The following DIAPH2 variants were observed in gnomAD, a reference collection of about 807,000 sequenced individuals.
DIAPH2 encodes protein diaphanous homolog 2.
DIAPH2 carries 35 observed loss-of-function variants against 92.7 expected under a neutral mutation model. The observed-to-expected ratio is 0.38, with a 90% CI of 0.29 to 0.50. The LOEUF is 0.50. DIAPH2 is among the 20% of genes least tolerant of loss of function. DIAPH2 has a pLI of 0.94. For missense variants in DIAPH2, 701 were observed against 819.5 expected (o/e 0.86, Z 1.77); for synonymous variants, 301 against 280.4 (o/e 1.07, Z -0.73).
At chrX:97,595,069 G>A (rs750386668) in intron 26 of DIAPH2, among the ~76,000 whole-genome samples, 6 of 112,052 alleles carry the variant, frequency 5.4e-5, no homozygotes, top group African/African-American at 9.7e-5. Context: ...AATGCAGCTC[G>A]AGTCCTCCAG....
chrX:96,908,003 C>A (rs2065444292), intron 5 of DIAPH2, among the ~76,000 whole-genome samples: 1 of 111,556 alleles, frequency 9.0e-6, no homozygotes, highest in Non-Finnish European at 1.9e-5. Context: ...GTAAAAGAAG[C>A]CAAACACAAA....
chrX:97,287,194 G>A (rs1381698908), intron 23 of DIAPH2, among the ~76,000 whole-genome samples: 1 of 110,638 alleles, frequency 9.0e-6, no homozygotes, highest in Non-Finnish European at 1.9e-5. Context: ...CTGTAATCCC[G>A]GCTATTTATT....
chrX:97,474,764 T>TC (rs1819515802), intron 26 of DIAPH2, among the ~76,000 whole-genome samples: 1 of 69,189 alleles, frequency 1.4e-5, no homozygotes, highest in African/African-American at 3.9e-5. Context: ...TGACTCCATC[T>TC]CAAAAAAAAA....
At chrX:96,962,440 TACATATATACAC>T (rs2065866043) in intron 16 of DIAPH2, among the ~76,000 whole-genome samples, 3 of 70,224 alleles carry the variant, frequency 4.3e-5, no homozygotes, top group South Asian at 6.5e-4. Context: ...CATATATATA[TACATATATACAC>T]ACACATATAT....
At chrX:96,884,139 G>T (rs759865827) in intron 5 of DIAPH2, 15 of 439,983 alleles carry the variant, frequency 3.4e-5, no homozygotes, top group Non-Finnish European at 4.7e-5. Flanking sequence ...TTGGTCCACA[G>T]GTAGCGTGAC....
chrX:97,144,937 G>T (rs1159510496), intron 22 of DIAPH2, among the ~76,000 whole-genome samples: 1 of 110,851 alleles, frequency 9.0e-6, no homozygotes, highest in African/African-American at 3.3e-5. Flanking sequence ...GCTAATTTTT[G>T]TACTTTTTTA....
chrX:97,173,229 C>T lies in DIAPH2; in HGVS notation c.2719+31435C>T, dbSNP rs2067467067. Among the ~76,000 whole-genome samples the T allele has an allele frequency of 3.6e-5, 4 of 111,331 alleles. No individual in the cohort carries two copies. In the South Asian group the frequency reaches 1.5e-3, roughly 42 times the overall value. The stretch of plus-strand genomic sequence containing the variant: ...CAGCCTGGGCAACACGACAAAACCC[C>T]ATCTTGACAAAAAATTAGCCAGCTG... On this transcript the variant is annotated intron_variant, in intron 22 of 26. Coordinates refer to ENST00000324765, the MANE Select transcript of DIAPH2 (RefSeq NM_006729.5).
intron 26 of DIAPH2, among the ~76,000 whole-genome samples, chrX:97,473,619 G>A (rs905666042): frequency 8.9e-6 from 1 of 112,161 alleles, no homozygotes; most frequent in Non-Finnish European, 1.9e-5. Flanking sequence ...ATAGGTGTGA[G>A]CCACCACGCC....
intron 26 of DIAPH2, among the ~76,000 whole-genome samples, chrX:97,580,422 A>G (rs1397801908): frequency 1.2e-3 from 122 of 103,864 alleles, no homozygotes; most frequent in African/African-American, 3.7e-3. Flanking sequence ...ATCTATTGAG[A>G]TAATCATGTG....
intron 17 of DIAPH2, among the ~76,000 whole-genome samples, chrX:97,029,556 T>A (rs1321182385): frequency 8.9e-6 from 1 of 111,743 alleles, no homozygotes; most frequent in African/African-American, 3.3e-5. Flanking sequence ...TCTGTTTTTT[T>A]AATTGTGCTT....
rs2065012617 is a variant in DIAPH2, at chrX:96,852,533, G to C, written c.448-29046G>C. Among the ~76,000 whole-genome samples, 3 of 111,705 alleles carry C rather than the reference G, an allele frequency of 2.7e-5. No individual in the cohort carries two copies. The South Asian group carries it at 1.1e-3, about 43-fold the overall frequency. ...GCTGGAGGGAGCTGTGCTACAAAGA[G>C]AGCACTCTCTGTTGAGAGAAACTTG... On this transcript the variant is annotated intron_variant, in intron 4 of 26. Coordinates refer to ENST00000324765, the MANE Select transcript of DIAPH2 (RefSeq NM_006729.5).
chrX:97,532,010 G>C (rs1389111389), intron 26 of DIAPH2, among the ~76,000 whole-genome samples: 1 of 112,334 alleles, frequency 8.9e-6, no homozygotes, highest in Non-Finnish European at 1.9e-5. Flanking sequence ...GCTTCACTCT[G>C]AGAAAAAAGC....
intron 23 of DIAPH2, among the ~76,000 whole-genome samples, chrX:97,261,209 G>A (rs1305030608): frequency 2.7e-5 from 3 of 112,543 alleles, no homozygotes; most frequent in South Asian, 3.6e-4. Flanking sequence ...GTGTGTGCAC[G>A]TGTGTGTGCA....
At chrX:97,521,097 A>G (rs187825500) in intron 26 of DIAPH2, among the ~76,000 whole-genome samples, 232 of 111,171 alleles carry the variant, frequency 2.1e-3, no homozygotes, top group African/African-American at 7.2e-3. Flanking sequence ...TAGTGCCCTT[A>G]CAGAAGAGGC....
At chrX:96,691,010 C>T (rs925573607) in intron 1 of DIAPH2, among the ~76,000 whole-genome samples, 1 of 112,029 alleles carries the variant, frequency 8.9e-6, no homozygotes, top group African/African-American at 3.2e-5. Flanking sequence ...CTTTTTGGAA[C>T]AATTCTAATT....
At chrX:97,568,399 T>C (rs190351503) in intron 26 of DIAPH2, among the ~76,000 whole-genome samples, 1 of 110,633 alleles carries the variant, frequency 9.0e-6, no homozygotes, top group East Asian at 2.8e-4. Context: ...AATAACAAAA[T>C]AGAAGGAGTG....
intron 15 of DIAPH2, 47 bp downstream of exon 15, chrX:96,949,086 A>T: frequency 1.2e-6 from 1 of 867,952 alleles, no homozygotes; most frequent in African/African-American, 2.0e-5. Flanking sequence ...AATGAGTTTG[A>T]TGGTAGAAAA....
rs1159716286 is a variant in DIAPH2 at position 96,962,478 on chromosome X, T to TAC, written c.1936-2597_1936-2596dup. 1.4e-3 allele frequency among the ~76,000 whole-genome samples: 35 copies of TAC among 25,213 alleles called. 2 individuals are homozygous for TAC. The highest frequency in any genetic ancestry group is 3.0e-3 in the African/African-American group (23 of 7,620). The allele number at this position is 25,213 out of a possible 115,157, so 21.9% of individuals were successfully genotyped here. On this transcript the variant is annotated intron_variant, in intron 16 of 26. Transcript: ENST00000324765. The stretch of plus-strand genomic sequence containing the variant: ...ACACATATATATATACATATATATA[T>TAC]ACACACACACACACACACATATATA...
intron 17 of DIAPH2, among the ~76,000 whole-genome samples, chrX:97,026,572 G>A (rs1050530708): frequency 2.7e-5 from 3 of 111,626 alleles, no homozygotes; most frequent in African/African-American, 9.8e-5. Context: ...AGGAATTTTC[G>A]TATTTCTGGA....
Sources: gnomAD v4.1 joint callset for allele counts (sites outside exome capture counted in the v4.1 genomes callset) on GRCh38, gnomAD v4.1.1 for gene constraint, MANE v1.5 for transcripts, NCBI Gene and HGNC (gene_info 2026-07-23, HGNC 2026-07-21) for gene names.